PRKD1: variants seen among roughly 807,000 people sequenced by gnomAD.
PRKD1 encodes the protein protein kinase D1, also known as serine/threonine-protein kinase D1.
PRKD1 carries 63 observed loss-of-function variants against 95.9 expected under a neutral mutation model. That is an observed-to-expected ratio of 0.66 (90% confidence interval 0.54 to 0.81). The LOEUF (loss-of-function observed/expected upper bound fraction) is 0.81, where lower values mean the gene tolerates loss of function less well. Ranked by LOEUF, PRKD1 falls within the 30% of genes least tolerant of loss-of-function variation. The pLI is 0.00. For synonymous variants in PRKD1, 425 were observed against 423.1 expected (o/e 1.00, Z -0.05); for missense variants, 1,048 against 1,165.3 (o/e 0.90, Z 1.47).
intron 4 of PRKD1, among the ~76,000 whole-genome samples, chr14:29,652,376 A>G (rs1420839745): frequency 6.6e-6 from 1 of 152,214 alleles, no homozygotes; most frequent in East Asian, 1.9e-4. Flanking sequence ...ACTCTCCAGT[A>G]GTATTCACAT....
At chr14:29,581,824 G>T (rs953799127) in intron 16 of PRKD1, among the ~76,000 whole-genome samples, 7 of 152,200 alleles carry the variant, frequency 4.6e-5, no homozygotes, top group African/African-American at 1.7e-4. Flanking sequence ...AAGCCCATCT[G>T]CTATGTATTA....
In PRKD1 at chr14:29,578,362, T is replaced by A; in HGVS notation, c.2435-2A>T. On this transcript the variant is annotated splice_acceptor_variant, in intron 16 of 17. Transcript: ENST00000331968. LOFTEE classifies it high-confidence loss of function. ...GCAAATTGTTGATAAGATCAATGGC[T>A]GAAAAAAATTACCAGTAAAAATAGA... 6.2e-7 allele frequency: 1 copy of A among 1,602,776 alleles called. No individual in the cohort carries two copies. Among genetic ancestry groups the A allele is most frequent in the Non-Finnish European group, 8.5e-7 (1 of 1,173,434 alleles).
intron 2 of PRKD1, among the ~76,000 whole-genome samples, chr14:29,685,712 A>G (rs901329520): frequency 2.7e-5 from 4 of 148,308 alleles, no homozygotes; most frequent in Admixed American, 6.7e-5. Context: ...AGAATGAGCA[A>G]AAGATGTATC....
chr14:29,668,944 T>C (rs1882681543), intron 2 of PRKD1, among the ~76,000 whole-genome samples: 1 of 152,200 alleles, frequency 6.6e-6, no homozygotes, highest in Non-Finnish European at 1.5e-5. Flanking sequence ...GAATCTGAAC[T>C]GAGGCAGTCC....
At chr14:29,915,810 T>C (rs1488432136) in intron 1 of PRKD1, among the ~76,000 whole-genome samples, 1 of 152,200 alleles carries the variant, frequency 6.6e-6, no homozygotes, top group Admixed American at 6.5e-5. Context: ...AATTCCAAAC[T>C]CTTCCTACAA....
In PRKD1 at chr14:29,798,721, T is replaced by C. The variant is rs45516303; in HGVS notation, c.265-73047A>G. On this transcript the variant is annotated intron_variant, in intron 1 of 17. Coordinates refer to ENST00000331968, the MANE Select transcript of PRKD1 (RefSeq NM_002742.3). ...AAATCTATTTTCTCCCATTCTAATT[T>C]ATGAAATGGCTGAGAAAAATGGCTT... 7.3e-3 allele frequency among the ~76,000 whole-genome samples: 1,113 copies of C among 152,342 alleles called. 18 individuals are homozygous for C. The highest frequency in any genetic ancestry group is 0.025 in the African/African-American group (1,033 of 41,580).
At position 29,587,877 on chromosome 14, in the gene PRKD1, A is replaced by G. The variant is rs556580579; in HGVS notation, c.2435-9517T>C. On this transcript the variant is annotated intron_variant, in intron 16 of 17. Coordinates refer to ENST00000331968, the MANE Select transcript of PRKD1 (RefSeq NM_002742.3). The stretch of plus-strand genomic sequence containing the variant: ...AGAATCTTAAGTTGAGATTGTTTAG[A>G]ATGTTAAACCCCAGTGGAGGTTCTG... Among the ~76,000 whole-genome samples the G allele has an allele frequency of 9.9e-5, 15 of 152,256 alleles. No individual in the cohort carries two copies. The East Asian group carries it at 2.7e-3, about 27-fold the overall frequency.
At chr14:29,628,978 T>A in intron 11 of PRKD1, 63 bp downstream of exon 11, 1 of 1,196,930 alleles carries the variant, frequency 8.4e-7, no homozygotes, top group Non-Finnish European at 1.1e-6. Context: ...AAAACTATTT[T>A]ATGATGCTTT....
intron 1 of PRKD1, among the ~76,000 whole-genome samples, chr14:29,781,590 T>G (rs1011072158): frequency 1.3e-5 from 2 of 152,238 alleles, no homozygotes; most frequent in African/African-American, 4.8e-5. Flanking sequence ...CAAAGAAGAC[T>G]GGAAAGACGT....
At chr14:29,752,442 C>T (rs17096040) in intron 1 of PRKD1, among the ~76,000 whole-genome samples, 33,898 of 151,812 alleles carry the variant, frequency 0.22, 4,007 homozygotes, top group African/African-American at 0.27. Flanking sequence ...TTGTAACTTC[C>T]CTATAAAACT....
intron 13 of PRKD1, among the ~76,000 whole-genome samples, chr14:29,623,066 C>T (rs1165868939): frequency 6.6e-6 from 1 of 152,184 alleles, no homozygotes; most frequent in Admixed American, 6.6e-5. Context: ...TTGTTTGTAA[C>T]TGATTAGCAG....
chr14:29,635,137 G>A (rs930748956), intron 7 of PRKD1, among the ~76,000 whole-genome samples: 9 of 152,108 alleles, frequency 5.9e-5, no homozygotes, highest in African/African-American at 2.2e-4. Flanking sequence ...GTACTTCTTA[G>A]TCTACTGAGG....
At chr14:29,728,991 G>A (rs1886306598) in intron 1 of PRKD1, among the ~76,000 whole-genome samples, 1 of 152,006 alleles carries the variant, frequency 6.6e-6, no homozygotes, top group Non-Finnish European at 1.5e-5. Flanking sequence ...ATACATTTTA[G>A]AAATGCTTTG....
At position 29,724,377 on chromosome 14, in the gene PRKD1, T is replaced by C. The variant is rs564928711; in HGVS notation, c.403+1159A>G. Among the ~76,000 whole-genome samples, 24 of 152,258 alleles carry C rather than the reference T, an allele frequency of 1.6e-4. 1 individual carries two copies. The South Asian group carries it at 4.6e-3, about 29-fold the overall frequency. ...TCCAGTGCATGATTTCCCTGAATAA[T>C]TAATTTAGTGTTCAGAAACAGGAAA... On this transcript the variant is annotated intron_variant, in intron 2 of 17. Coordinates refer to ENST00000331968, the MANE Select transcript of PRKD1 (RefSeq NM_002742.3).
At chr14:29,776,409 C>A (rs567310045) in intron 1 of PRKD1, among the ~76,000 whole-genome samples, 14 of 152,066 alleles carry the variant, frequency 9.2e-5, no homozygotes, top group Non-Finnish European at 1.5e-4. Flanking sequence ...AAAGATTACA[C>A]GAATGGCTAA....
intron 1 of PRKD1, among the ~76,000 whole-genome samples, chr14:29,796,101 C>T (rs550668637): frequency 6.6e-6 from 1 of 152,272 alleles, no homozygotes; most frequent in African/African-American, 2.4e-5. Flanking sequence ...TAAATGACAT[C>T]TCCCATTGGA....
At chr14:29,604,788 A>G (rs887214698) in intron 13 of PRKD1, among the ~76,000 whole-genome samples, 8 of 152,224 alleles carry the variant, frequency 5.3e-5, no homozygotes, top group African/African-American at 1.4e-4. Context: ...AGACAATTAT[A>G]AAAGTATTTG....
intron 1 of PRKD1, among the ~76,000 whole-genome samples, chr14:29,919,367 A>G (rs1483265455): frequency 6.6e-6 from 1 of 152,244 alleles, no homozygotes; most frequent in African/African-American, 2.4e-5. Flanking sequence ...TAACTATTTA[A>G]ATTATATGAT....
At chr14:29,591,804 A>G (rs1893140882) in intron 16 of PRKD1, among the ~76,000 whole-genome samples, 1 of 151,948 alleles carries the variant, frequency 6.6e-6, no homozygotes, top group African/African-American at 2.4e-5. Flanking sequence ...CTTGCTTGCA[A>G]TTTTCTGGGG....
Sources: allele counts gnomAD v4.1 joint callset (sites outside exome capture counted in the v4.1 genomes callset), GRCh38; gene constraint gnomAD v4.1.1; transcripts MANE v1.5; gene names NCBI Gene and HGNC (gene_info 2026-07-23, HGNC 2026-07-21).